RNF19A: variants seen among roughly 807,000 people sequenced by gnomAD.
RNF19A encodes the protein E3 ubiquitin-protein ligase RNF19A.
Under a neutral mutation model 75.7 loss-of-function variants are expected in RNF19A, and 32 were observed. The ratio of observed to expected loss-of-function variants is 0.42; its 90% CI spans 0.32 to 0.57. RNF19A has a LOEUF of 0.57. Ranked by LOEUF, RNF19A falls within the 20% of genes least tolerant of loss-of-function variation. The pLI, the probability that RNF19A is intolerant of heterozygous loss-of-function variation, is 0.10. For synonymous variants in RNF19A, 335 were observed against 345.2 expected (o/e 0.97, Z 0.33); for missense variants, 782 against 1,036.3 (o/e 0.75, Z 3.37).
Position 100,284,407 on chromosome 8 carries a change from A to G in RNF19A, c.674+3094T>C, listed in dbSNP as rs538875215. 5.3e-5 allele frequency among the ~76,000 whole-genome samples: 8 copies of G among 152,192 alleles called. No homozygotes were observed. The highest frequency in any genetic ancestry group is 1.2e-4 in the Non-Finnish European group (8 of 68,002). On this transcript the variant is annotated intron_variant, in intron 2 of 9. Transcript: ENST00000341084. This position sits in a 1 kb window ranked among gnomAD's most constrained non-coding sequence, Gnocchi z 4.3. ...CGACCATAACAACTAACAGAGCAGT[A>G]TAAGTCAAATATAAAATAAAATACA...
At chr8:100,283,764 T>A (rs959022) in intron 2 of RNF19A, among the ~76,000 whole-genome samples, 49,198 of 152,090 alleles carry the variant, frequency 0.32, 8,633 homozygotes, top group East Asian at 0.41. Context: ...AAATTCATAA[T>A]TTCACATCTA....
chr8:100,285,799 T>C (rs563228012), intron 2 of RNF19A, among the ~76,000 whole-genome samples: 1 of 152,096 alleles, frequency 6.6e-6, no homozygotes, highest in Non-Finnish European at 1.5e-5. Context: ...CGCCCAGTTG[T>C]AGATTTTTTT....
At position 100,260,166 on chromosome 8, in the gene RNF19A, G is replaced by C. The variant is rs1563830426; in HGVS notation, c.1683-169C>G. 2 of 552,478 alleles carry C rather than the reference G, an allele frequency of 3.6e-6. No individual in the cohort carries two copies. 34.2% of individuals were successfully genotyped at this position (552,478 alleles called of 1,614,324 possible). ...AAATTCTACTGCAGCACACTGCATA[G>C]TACCAGCCATCCAAATAAAATGGGG... is the stretch of plus-strand genomic sequence containing the variant. On this transcript the variant is annotated intron_variant, in intron 8 of 9. Coordinates refer to ENST00000341084, the MANE Select transcript of RNF19A (RefSeq NM_183419.4). The surrounding 1 kb of genome is among the most constrained non-coding windows in gnomAD (Gnocchi z 4.1).
rs1479639911 is a variant in RNF19A, at chr8:100,332,850, T to G, written c.-243+3258A>C. ...TTCCTATTAGGATGTTGACCATTAT[T>G]GATTGGTACAAGCTGTTTATATTTT... On this transcript the variant is annotated intron_variant, in intron 1 of 3. Transcript: ENST00000519527. This position sits in a 1 kb window ranked among gnomAD's most constrained non-coding sequence, Gnocchi z 4.8. Among the ~76,000 whole-genome samples the G allele has an allele frequency of 6.6e-6, 1 of 152,248 alleles. No homozygotes were observed. Among genetic ancestry groups the G allele is most frequent in the Non-Finnish European group, 1.5e-5 (1 of 68,036 alleles).
At chr8:100,263,262 G>GT (rs1819811055) in intron 7 of RNF19A, among the ~76,000 whole-genome samples, 1 of 152,116 alleles carries the variant, frequency 6.6e-6, no homozygotes, top group African/African-American at 2.4e-5. Flanking sequence ...AGGAAATATG[G>GT]TAAGAAGTGG....
chr8:100,261,215 C>T lies in RNF19A; in HGVS notation c.1682+327G>A, dbSNP rs970918076. 1.3e-5 allele frequency among the ~76,000 whole-genome samples: 2 copies of T among 152,056 alleles called. No individual in the cohort carries two copies. ...GCTCAAGTGATCCTCCTACCTCAGCCTCCCGACCAGCTGGGACTACAGGTG... is the reference window on the plus strand; with the variant it reads ...GCTCAAGTGATCCTCCTACCTCAGCTTCCCGACCAGCTGGGACTACAGGTG... On this transcript the variant is annotated intron_variant, in intron 8 of 9. Transcript: ENST00000341084. The surrounding 1 kb of genome is among the most constrained non-coding windows in gnomAD (Gnocchi z 4.4).
At chr8:100,276,894 G>A (rs1257824069) in intron 2 of RNF19A, among the ~76,000 whole-genome samples, 1 of 151,938 alleles carries the variant, frequency 6.6e-6, no homozygotes, top group Non-Finnish European at 1.5e-5. Context: ...GGAAATTTGA[G>A]TGAGATTGGT....
At chr8:100,278,286 G>C (rs1222025901) in intron 2 of RNF19A, among the ~76,000 whole-genome samples, 1 of 152,188 alleles carries the variant, frequency 6.6e-6, no homozygotes, top group African/African-American at 2.4e-5. Flanking sequence ...GATCATACAA[G>C]TGACTATCAT....
intron 1 of RNF19A, among the ~76,000 whole-genome samples, chr8:100,307,836 C>G (rs915007090): frequency 6.6e-6 from 1 of 152,086 alleles, no homozygotes; most frequent in Admixed American, 6.5e-5. Flanking sequence ...CATCCATTTT[C>G]TTGAATGAAG....
intron 1 of RNF19A, among the ~76,000 whole-genome samples, chr8:100,303,568 G>T (rs1821934553): frequency 6.6e-6 from 1 of 152,024 alleles, no homozygotes; most frequent in Non-Finnish European, 1.5e-5. Flanking sequence ...TTTTTGCTAA[G>T]GACATCAGTA....
intron 5 of RNF19A, chr8:100,268,547 A>G (rs932359613): frequency 3.1e-6 from 1 of 326,958 alleles, no homozygotes; most frequent in African/African-American, 2.1e-5. Flanking sequence ...TAATACAAAC[A>G]TACTAAAATT....
Position 100,269,939 on chromosome 8 carries a change from T to C in RNF19A, c.958A>G (p.Thr320Ala). Reference protein sequence around the residue: ...KMNDGSCNHMTCAVCGCEFCW... With the variant: ...KMNDGSCNHMACAVCGCEFCW... ...AACTCACAACCACAAACAGCACATG[T>C]CATGTGATTGCAGCTCCCATCATTC... The change falls in exon 4 of 10, where the codon ACA becomes GCA. Residue 320 changes from threonine to alanine, a missense_variant. This residue lies in a region of RNF19A where 31 missense variants were observed against 48.8 expected (regional missense o/e 0.64). Coordinates refer to ENST00000341084, the MANE Select transcript of RNF19A (RefSeq NM_183419.4). This position sits in a 1 kb window ranked among gnomAD's most constrained non-coding sequence, Gnocchi z 5.7. The C allele has an allele frequency of 6.2e-7, 1 of 1,610,446 alleles. No individual in the cohort carries two copies. The highest frequency in any genetic ancestry group is 8.5e-7 in the Non-Finnish European group (1 of 1,178,266).
chr8:100,269,000 A>G (rs1217057435), intron 4 of RNF19A, 53 bp from the exon 5 acceptor site: 3 of 1,408,584 alleles, frequency 2.1e-6, no homozygotes, highest in Non-Finnish European at 2.9e-6. Context: ...CACAATAACA[A>G]ATTAGTGCAC....
chr8:100,286,778 A>G (rs1008332432), intron 2 of RNF19A, among the ~76,000 whole-genome samples: 8 of 152,170 alleles, frequency 5.3e-5, no homozygotes, highest in Non-Finnish European at 7.4e-5. Flanking sequence ...GTATCACATT[A>G]ATTGTTTGTG....
chr8:100,280,970 T>C (rs1413895654), intron 2 of RNF19A, among the ~76,000 whole-genome samples: 1 of 152,192 alleles, frequency 6.6e-6, no homozygotes, highest in African/African-American at 2.4e-5. Context: ...TCTGCTCTGG[T>C]ATAATAAGTG....
At chr8:100,285,061 C>A (rs1297905098) in intron 2 of RNF19A, among the ~76,000 whole-genome samples, 1 of 152,126 alleles carries the variant, frequency 6.6e-6, no homozygotes, top group Non-Finnish European at 1.5e-5. Flanking sequence ...ATCTATTCTA[C>A]TGTTAATGAA....
chr8:100,334,927 T>A (rs1377902613), intron 1 of RNF19A, among the ~76,000 whole-genome samples: 2 of 152,238 alleles, frequency 1.3e-5, no homozygotes. Flanking sequence ...GGCACCAAGA[T>A]AAGCTAATGG....
At position 100,275,048 on chromosome 8, in the gene RNF19A, G is replaced by A. The variant is rs888754877; in HGVS notation, c.788C>T (p.Thr263Ile). The change falls in exon 3 of 10, where the codon ACC (threonine) becomes ATC (isoleucine). Residue 263 changes from threonine (T) to isoleucine (I), a missense_variant. Transcript: ENST00000341084. This position sits in a 1 kb window ranked among gnomAD's most constrained non-coding sequence, Gnocchi z 4.3. ...TCTCTCTTGTCGAGCAGCATCACAGGTCTGGTTGGGGTGCCAAATCTGTTT... is the reference window on the plus strand; with the variant it reads ...TCTCTCTTGTCGAGCAGCATCACAGATCTGGTTGGGGTGCCAAATCTGTTT... Reference protein sequence around the residue: ...HCKQIWHPNQTCDAARQERAQ... With the variant: ...HCKQIWHPNQICDAARQERAQ... 6.2e-7 allele frequency: 1 copy of A among 1,613,958 alleles called. No individual in the cohort carries two copies. The highest frequency in any genetic ancestry group is 1.7e-5 in the Admixed American group (1 of 59,994).
chr8:100,309,298 C>G, intron 1 of RNF19A: 1 of 985,372 alleles, frequency 1.0e-6, no homozygotes, highest in Non-Finnish European at 1.2e-6. Flanking sequence ...CCGGACTAAC[C>G]TTCCTCCGAA....
Sources: gnomAD v4.1 joint callset for allele counts (sites outside exome capture counted in the v4.1 genomes callset) on GRCh38, gnomAD v4.1.1 for gene constraint, gnomAD v4.1.1 regional missense constraint, Gnocchi (gnomAD v3.1) non-coding constraint, MANE v1.5 for transcripts, NCBI Gene and HGNC (gene_info 2026-07-23, HGNC 2026-07-21) for gene names.